The following PARM1 variants were observed in gnomAD, a reference collection of about 807,000 sequenced individuals.
The protein encoded by PARM1 is prostate androgen-regulated mucin-like protein 1, also known as WSC4, cell wall integrity and stress response component 4 homolog.
Under a neutral mutation model 24.6 loss-of-function variants are expected in PARM1, and 14 were observed. The ratio of observed to expected loss-of-function variants is 0.57; its 90% CI spans 0.38 to 0.89. The LOEUF is 0.89. Among genes scored for constraint, PARM1 ranks in the 40% least tolerant of loss-of-function variants. PARM1 has a pLI of 0.00. For missense variants in PARM1, 362 were observed against 380.4 expected, an observed-to-expected ratio of 0.95 and a Z score of 0.40; for synonymous variants, 179 against 156.6, an observed-to-expected ratio of 1.14 and a Z score of -1.07.
At chr4:75,035,181 C>G (rs926508636) in intron 3 of PARM1, among the ~76,000 whole-genome samples, 21 of 152,212 alleles carry the variant, frequency 1.4e-4, no homozygotes, top group African/African-American at 5.1e-4. Context: ...TATTTACTCT[C>G]TTAGTGCCTT....
intron 1 of PARM1, among the ~76,000 whole-genome samples, chr4:74,952,750 A>T (rs1004625294): frequency 1.8e-4 from 28 of 152,204 alleles, no homozygotes; most frequent in Non-Finnish European, 1.5e-4. Flanking sequence ...TCACTGAAAA[A>T]CATAGAAAAT....
intron 3 of PARM1, among the ~76,000 whole-genome samples, chr4:75,039,843 C>T (rs1578061264): frequency 6.6e-6 from 1 of 152,156 alleles, no homozygotes; most frequent in African/African-American, 2.4e-5. Flanking sequence ...TAATTTTGAA[C>T]ATGCTGATCC....
Position 75,013,098 on chromosome 4 carries a change from C to G in PARM1, c.717C>G (p.Thr239=). ...VMCELIDMET[T]TTFPRVIMQE... is the part of the protein sequence containing the mutation. ...GTGAGCTCATAGACATGGAGACCAC[C>G]ACCACCTTTCCCAGGGTGATCATGC... The change falls in exon 2 of 4, where the codon ACC becomes ACG. Residue 239 remains threonine (T), a synonymous_variant. Coordinates refer to ENST00000307428, the MANE Select transcript of PARM1 (RefSeq NM_015393.4). The G allele has an allele frequency of 6.2e-7, 1 of 1,613,982 alleles. No individual in the cohort carries two copies. The highest frequency in any genetic ancestry group is 8.5e-7 in the Non-Finnish European group (1 of 1,179,890).
intron 1 of PARM1, among the ~76,000 whole-genome samples, chr4:75,007,631 G>A (rs1413006878): frequency 6.6e-5 from 10 of 151,978 alleles, no homozygotes; most frequent in Admixed American, 3.3e-4. Flanking sequence ...ATTCTTACTG[G>A]TTTGACTTAT....
chr4:74,992,659 A>G (rs530004389), intron 1 of PARM1, among the ~76,000 whole-genome samples: 99 of 152,300 alleles, frequency 6.5e-4, no homozygotes, highest in South Asian at 2.1e-4. Flanking sequence ...AGAGTTCTCA[A>G]TGGAAACAGT....
chr4:74,950,249 C>T (rs764977957), intron 1 of PARM1, among the ~76,000 whole-genome samples: 4 of 152,164 alleles, frequency 2.6e-5, no homozygotes, highest in Admixed American at 6.5e-5. Flanking sequence ...ACATATTCTC[C>T]GACACTTCTG....
intron 1 of PARM1, among the ~76,000 whole-genome samples, chr4:74,991,698 A>G (rs909963683): frequency 2.0e-5 from 3 of 152,186 alleles, no homozygotes; most frequent in African/African-American, 7.2e-5. Context: ...CTTGTAATAC[A>G]TGGGGCATTA....
chr4:74,949,173 A>G (rs962436287), intron 1 of PARM1, among the ~76,000 whole-genome samples: 3 of 152,210 alleles, frequency 2.0e-5, no homozygotes, highest in Non-Finnish European at 4.4e-5. Context: ...TGTCTTTTAA[A>G]AGATCCACAG....
intron 3 of PARM1, among the ~76,000 whole-genome samples, chr4:75,039,533 T>A (rs1015402489): frequency 2.2e-4 from 34 of 151,308 alleles, no homozygotes; most frequent in South Asian, 2.1e-4. Context: ...GAAAAAAAAA[T>A]AAAATAAAAT....
At chr4:74,993,394 A>G (rs982563679) in intron 1 of PARM1, among the ~76,000 whole-genome samples, 12 of 152,270 alleles carry the variant, frequency 7.9e-5, no homozygotes, top group African/African-American at 2.6e-4. Context: ...AGCCCTGGCT[A>G]CACCTTGTTT....
chr4:74,990,582 C>A (rs1450760468), intron 1 of PARM1, among the ~76,000 whole-genome samples: 1 of 152,104 alleles, frequency 6.6e-6, no homozygotes. Context: ...TTAGGACCAT[C>A]CAGGGAAAGT....
intron 1 of PARM1, among the ~76,000 whole-genome samples, chr4:74,951,492 AGGTTT>A (rs1183180308): frequency 3.3e-5 from 5 of 152,076 alleles, no homozygotes; most frequent in Non-Finnish European, 7.4e-5. Flanking sequence ...CAGAACATGC[AGGTTT>A]GTTACATAGG....
At chr4:74,966,370 A>C (rs1461537435) in intron 1 of PARM1, among the ~76,000 whole-genome samples, 1 of 152,188 alleles carries the variant, frequency 6.6e-6, no homozygotes, top group Non-Finnish European at 1.5e-5. Context: ...ATTTATAACC[A>C]ATGAGTAGAG....
intron 1 of PARM1, among the ~76,000 whole-genome samples, chr4:74,974,728 G>T (rs72860945): frequency 0.027 from 4,178 of 152,256 alleles, 84 homozygotes; most frequent in South Asian, 0.076. Context: ...AAGCCCTTAA[G>T]CTTCAATGTG....
intron 1 of PARM1, among the ~76,000 whole-genome samples, chr4:75,000,672 A>T (rs560073716): frequency 6.6e-6 from 1 of 152,338 alleles, no homozygotes; most frequent in African/African-American, 2.4e-5. Flanking sequence ...GAACTGCGGC[A>T]CATAGATGCC....
chr4:74,936,614 C>G (rs546092783), intron 1 of PARM1, among the ~76,000 whole-genome samples: 2 of 151,916 alleles, frequency 1.3e-5, no homozygotes, highest in African/African-American at 4.8e-5. Context: ...CCACCACACC[C>G]GTCTAATTTT....
At chr4:74,949,728 T>A (rs116755320) in intron 1 of PARM1, among the ~76,000 whole-genome samples, 1,809 of 152,228 alleles carry the variant, frequency 0.012, 30 homozygotes, top group African/African-American at 0.041. Context: ...TGAAATGTGT[T>A]ATAGAAGAGA....
intron 1 of PARM1, among the ~76,000 whole-genome samples, chr4:74,959,825 C>A (rs1721727730): frequency 6.6e-6 from 1 of 152,150 alleles, no homozygotes; most frequent in Admixed American, 6.5e-5. Context: ...GCAGAGTCAT[C>A]AGTTAAGAAG....
intron 2 of PARM1, among the ~76,000 whole-genome samples, chr4:75,014,239 T>G (rs1722934903): frequency 1.3e-5 from 2 of 152,102 alleles, no homozygotes; most frequent in African/African-American, 2.4e-5. Flanking sequence ...AGAACTAAGA[T>G]TAATGAAGAC....
Sources: allele counts gnomAD v4.1 joint callset (sites outside exome capture counted in the v4.1 genomes callset), GRCh38; gene constraint gnomAD v4.1.1; transcripts MANE v1.5; gene names NCBI Gene and HGNC (gene_info 2026-07-23, HGNC 2026-07-21).